The following IFRD1 variants were observed in gnomAD, a reference collection of about 807,000 sequenced individuals.
IFRD1 encodes interferon related developmental regulator 1.
IFRD1 carries 35 observed loss-of-function variants against 52.9 expected under a neutral mutation model. That is an observed-to-expected ratio of 0.66 (90% CI 0.51 to 0.88). The LOEUF is 0.88. Among genes scored for constraint, IFRD1 ranks in the 40% least tolerant of loss-of-function variants. The probability of loss-of-function intolerance (pLI) is 0.00; values close to 1 mark genes in which losing one functional copy is unlikely to be tolerated. For synonymous variants in IFRD1, 184 were observed against 188.4 expected, an observed-to-expected ratio of 0.98 and a Z score of 0.19; for missense variants, 517 against 550.8, an observed-to-expected ratio of 0.94 and a Z score of 0.61.
upstream of IFRD1, among the ~76,000 whole-genome samples, chr7:112,449,453 G>A (rs2117275251): frequency 6.6e-6 from 1 of 152,294 alleles, no homozygotes; most frequent in South Asian, 2.1e-4. Context: ...ACAGGCAATT[G>A]AAAATAGAAT....
At chr7:112,459,155 G>A (rs1795369996) in intron 5 of IFRD1, 137 bp downstream of exon 5, 10 of 740,850 alleles carry the variant, frequency 1.3e-5, no homozygotes, top group East Asian at 1.1e-4. Flanking sequence ...TTGAGGCAGC[G>A]GTGAGCTATA....
In IFRD1 at chr7:112,458,916, G is replaced by A. The variant is rs752085385; in HGVS notation, c.465G>A (p.Gln155=). 1 of 1,614,014 alleles carries A rather than the reference G, an allele frequency of 6.2e-7. No homozygotes were observed. Among genetic ancestry groups the A allele is most frequent in the Non-Finnish European group, 8.5e-7 (1 of 1,179,912 alleles). The change falls in exon 5 of 12, where the codon CAG becomes CAA. Residue 155 remains glutamine, a synonymous_variant. Transcript: ENST00000403825. ...AAALASVLCI[Q]LGPGIESEEI... ...CGTTAGCATCTGTTCTTTGTATTCA[G>A]CTGGGCCCTGGAATTGAAAGTGAAG...
At chr7:112,456,675 G>A (rs1287619331) in intron 3 of IFRD1, among the ~76,000 whole-genome samples, 1 of 152,132 alleles carries the variant, frequency 6.6e-6, no homozygotes, top group Non-Finnish European at 1.5e-5. Context: ...AGCATTTAAA[G>A]TTGTGGCTAT....
chr7:112,456,857 G>A, intron 3 of IFRD1, 57 bp from the exon 4 acceptor site: 1 of 1,558,218 alleles, frequency 6.4e-7, no homozygotes, highest in South Asian at 1.1e-5. Flanking sequence ...ATTTTAAAAA[G>A]TTATTTATTG....
intron 1 of IFRD1, chr7:112,452,459 CTG>C: frequency 1.0e-6 from 1 of 983,322 alleles, no homozygotes; most frequent in Non-Finnish European, 1.2e-6. Flanking sequence ...TTTCTTACCA[CTG>C]TGTTTCAGCT....
chr7:112,468,263 G>T (rs1273529465), intron 9 of IFRD1, 148 bp downstream of exon 9: 4 of 779,810 alleles, frequency 5.1e-6, no homozygotes, highest in East Asian at 2.8e-5. Flanking sequence ...AACAATATAA[G>T]TGAAGACTTT....
chr7:112,463,248 A>G (rs1399722520), intron 8 of IFRD1, among the ~76,000 whole-genome samples: 1 of 152,212 alleles, frequency 6.6e-6, no homozygotes, highest in African/African-American at 2.4e-5. Flanking sequence ...GTAACTAAAT[A>G]GTAGATATTA....
At chr7:112,467,754 A>G (rs1197270433) in intron 8 of IFRD1, 5 of 509,342 alleles carry the variant, frequency 9.8e-6, no homozygotes, top group Non-Finnish European at 1.8e-5. Flanking sequence ...TGGAAGGGAA[A>G]TGTTAATTGT....
chr7:112,431,394 C>A (rs1025337263), intron 1 of IFRD1, among the ~76,000 whole-genome samples: 2 of 152,158 alleles, frequency 1.3e-5, no homozygotes, highest in African/African-American at 4.8e-5. Context: ...TCTGCTACTA[C>A]CTATGGAGTC....
At chr7:112,462,729 ATAAT>A (rs1193321300) in intron 8 of IFRD1, among the ~76,000 whole-genome samples, 6 of 152,212 alleles carry the variant, frequency 3.9e-5, no homozygotes, top group Admixed American at 2.0e-4. Context: ...GTGATGCTTC[ATAAT>A]TAATATCAAA....
upstream of IFRD1, among the ~76,000 whole-genome samples, chr7:112,448,926 A>T (rs1331849909): frequency 1.3e-5 from 2 of 152,222 alleles, no homozygotes; most frequent in Non-Finnish European, 2.9e-5. Context: ...AGAGCCGTGT[A>T]TTGGAAATGA....
Position 112,475,440 on chromosome 7 carries a change from ACT to A in IFRD1, c.1280_1281del (p.Ser427CysfsTer10), listed in dbSNP as rs1309045147. 3 of 1,605,710 alleles carry A rather than the reference ACT, an allele frequency of 1.9e-6. No homozygotes were observed. Among genetic ancestry groups the A allele is most frequent in the Non-Finnish European group, 2.6e-6 (3 of 1,172,900 alleles). On this transcript the variant is annotated frameshift_variant, in exon 12 of 12. Coordinates refer to ENST00000403825, the MANE Select transcript of IFRD1 (RefSeq NM_001550.4). LOFTEE classifies it high-confidence loss of function. The stretch of plus-strand genomic sequence containing the variant: ...TTTTTTTCATTTTAGCATTTATATA[ACT>A]CTGCAGCCTTCAAAGCTCGAACCAA...
Position 112,458,992 on chromosome 7 carries a change from T to G in IFRD1, c.541T>G (p.Ser181Ala). ...PILKKIICDG[S>A]ASMQARQTCA... ...CCTAAAGAAAATCATTTGTGATGGG[T>G]CAGCTAGTATGCAGGCTAGGCAAAC... is the stretch of plus-strand genomic sequence containing the variant. The change falls in exon 5 of 12, where the codon TCA becomes GCA. Residue 181 changes from serine to alanine, a missense_variant. Ser to Ala is a moderately conservative substitution (Grantham distance 99, BLOSUM62 1). Coordinates refer to ENST00000403825, the MANE Select transcript of IFRD1 (RefSeq NM_001550.4). 1 of 1,613,948 alleles carries G rather than the reference T, an allele frequency of 6.2e-7. No individual in the cohort carries two copies. Among genetic ancestry groups the G allele is most frequent in the Non-Finnish European group, 8.5e-7 (1 of 1,179,860 alleles).
At chr7:112,440,878 G>A (rs1186048481) in intron 1 of IFRD1, among the ~76,000 whole-genome samples, 4 of 152,206 alleles carry the variant, frequency 2.6e-5, no homozygotes, top group African/African-American at 9.6e-5. Context: ...GCTCACCCCT[G>A]TAATCCCAGT....
chr7:112,438,633 C>T (rs752956706), intron 1 of IFRD1, among the ~76,000 whole-genome samples: 3 of 152,024 alleles, frequency 2.0e-5, no homozygotes, highest in African/African-American at 7.3e-5. Context: ...TGAATGGATG[C>T]GTGAATAGAA....
chr7:112,445,025 C>A (rs1275308203), intron 1 of IFRD1, among the ~76,000 whole-genome samples: 2 of 151,266 alleles, frequency 1.3e-5, no homozygotes, highest in Non-Finnish European at 2.9e-5. Flanking sequence ...CCAAAGCCAG[C>A]CAGAGGCAAA....
chr7:112,455,686 A>G lies in IFRD1; in HGVS notation c.95-77A>G, dbSNP rs1795273377. ...TTATTACTGGATTTCTCTTTAAGTA[A>G]ACTTAAAAATTCCAAAGTTAAATAT... On this transcript the variant is annotated intron_variant, in intron 1 of 11. Coordinates refer to ENST00000403825, the MANE Select transcript of IFRD1 (RefSeq NM_001550.4). 9 of 945,916 alleles carry G rather than the reference A, an allele frequency of 9.5e-6. No homozygotes were observed. The Admixed American group carries it at 1.5e-4, about 16-fold the overall frequency. 58.6% of individuals were successfully genotyped at this position (945,916 alleles called of 1,614,324 possible). A position where few individuals can be genotyped will look rare whatever the true frequency, so the allele number is the denominator to read the frequency against.
Position 112,472,895 on chromosome 7 carries a change from T to C in IFRD1, c.1266+34T>C, listed in dbSNP as rs749646297. On this transcript the variant is annotated intron_variant, in intron 11 of 11. Transcript: ENST00000403825. Reference sequence around the variant, plus strand: ...TGTTTTTATTTTTAATAAAACTAAGTGCGCCAAAGCTTTGATTCTGTCTAG... The same window carrying C: ...TGTTTTTATTTTTAATAAAACTAAGCGCGCCAAAGCTTTGATTCTGTCTAG... The C allele has an allele frequency of 2.8e-6, 4 of 1,434,460 alleles. No individual in the cohort carries two copies. In the East Asian group the frequency reaches 9.1e-5, roughly 33 times the overall value. The allele number at this position is 1,434,460 out of a possible 1,614,324, so 88.9% of individuals were successfully genotyped here. A position where few individuals can be genotyped will look rare whatever the true frequency, so the allele number is the denominator to read the frequency against.
chr7:112,439,910 GT>G (rs1224059219), intron 1 of IFRD1, among the ~76,000 whole-genome samples: 1 of 152,166 alleles, frequency 6.6e-6, no homozygotes, highest in Non-Finnish European at 1.5e-5. Context: ...CAAAATTGGG[GT>G]TCTGAGAATA....
Sources: gnomAD v4.1 joint callset for allele counts (sites outside exome capture counted in the v4.1 genomes callset) on GRCh38, gnomAD v4.1.1 for gene constraint, MANE v1.5 for transcripts, NCBI Gene and HGNC (gene_info 2026-07-23, HGNC 2026-07-21) for gene names.